Variants in KNTC1 observed in about 807,000 individuals in gnomAD.
The protein encoded by KNTC1 is kinetochore-associated protein 1.
Under a neutral mutation model 314.4 loss-of-function variants are expected in KNTC1, and 253 were observed. That is an observed-to-expected ratio of 0.80 (90% CI 0.73 to 0.89). The LOEUF (loss-of-function observed/expected upper bound fraction) is 0.89. KNTC1 is among the 40% of genes least tolerant of loss of function. The probability of loss-of-function intolerance (pLI) is 0.00; values close to 1 mark genes in which losing one functional copy is unlikely to be tolerated. For synonymous variants in KNTC1, 901 were observed against 901.4 expected (o/e 1.00, Z 0.01); for missense variants, 2,475 against 2,572.9 (o/e 0.96, Z 0.82).
At chr12:122,600,809 G>T (rs145700454) in intron 44 of KNTC1, among the ~76,000 whole-genome samples, 253 of 152,092 alleles carry the variant, frequency 1.7e-3, no homozygotes, top group African/African-American at 5.8e-3. Flanking sequence ...GGGACTACAG[G>T]TGAATGCCAC....
chr12:122,568,229 AACTG>A (rs1242255997), intron 20 of KNTC1, 28 bp from the exon 21 acceptor site: 2 of 1,065,092 alleles, frequency 1.9e-6, no homozygotes, highest in African/African-American at 3.2e-5. Flanking sequence ...TTTTTTTTAA[AACTG>A]ACTTTTTTCC....
chr12:122,540,268 G>A (rs1228294302), intron 5 of KNTC1, among the ~76,000 whole-genome samples: 1 of 149,194 alleles, frequency 6.7e-6, no homozygotes, highest in Non-Finnish European at 1.5e-5. Context: ...TGCCTCCTGA[G>A]TTCAAACGAT....
Position 122,613,186 on chromosome 12 carries a change from G to A in KNTC1, c.5697G>A (p.Lys1899=). ...AGTGTCTCTTCTATTTGGCTGACAA[G>A]GAAACTATAGAATCTCTCTTTAAAA... ...ALQCLFYLAD[K]ETIESLFKKP... Residue 1899 remains lysine (K), a synonymous_variant, in exon 54 of 64, where the codon AAG becomes AAA. Transcript: ENST00000333479. 3.1e-6 allele frequency: 5 copies of A among 1,612,598 alleles called. No individual in the cohort carries two copies. The highest frequency in any genetic ancestry group is 4.2e-6 in the Non-Finnish European group (5 of 1,178,790).
intron 9 of KNTC1, 70 bp downstream of exon 9, chr12:122,546,339 G>T: frequency 1.1e-6 from 1 of 925,260 alleles, no homozygotes; most frequent in South Asian, 1.5e-5. Context: ...AGTGTACTTA[G>T]ACTGACATAT....
intron 27 of KNTC1, among the ~76,000 whole-genome samples, chr12:122,575,193 G>A (rs938472792): frequency 6.6e-6 from 1 of 152,098 alleles, no homozygotes; most frequent in Non-Finnish European, 1.5e-5. Flanking sequence ...CCCAGGAGGT[G>A]GAGGTTGCAG....
intron 3 of KNTC1, among the ~76,000 whole-genome samples, chr12:122,537,480 G>T (rs552321207): frequency 6.6e-6 from 1 of 150,936 alleles, no homozygotes; most frequent in East Asian, 2.0e-4. Flanking sequence ...GTGCAGTGGC[G>T]TGATTTCAGC....
Position 122,547,395 on chromosome 12 carries a change from A to G in KNTC1, c.817-20A>G, listed in dbSNP as rs752063372. ...TGTCTCAAAAAAAAAGGACATGTAA[A>G]TGAAATGTCTCTATTGCAGAACGTG... On this transcript the variant is annotated intron_variant, in intron 10 of 63. Transcript: ENST00000333479. The G allele has an allele frequency of 2.0e-6, 3 of 1,486,442 alleles. No homozygotes were observed. Among genetic ancestry groups the G allele is most frequent in the East Asian group, 4.5e-5 (2 of 44,138 alleles). 92.1% of individuals were successfully genotyped at this position (1,486,442 alleles called of 1,614,324 possible).
Position 122,584,973 on chromosome 12 carries a change from T to C in KNTC1, c.3517T>C (p.Cys1173Arg), listed in dbSNP as rs746410866. ...TTCCAGACAATGCCAAATGGATGAC[T>C]GTGGAATCCTCATGAAAGTAAGTTA... ...ELSRQCQMDD[C>R]GILMKASFGT... The change falls in exon 36 of 64, where the codon TGT (cysteine) becomes CGT (arginine). Residue 1173 changes from cysteine (C) to arginine (R), a missense_variant. Physicochemically the swap from Cys to Arg is radical, Grantham distance 180 (BLOSUM62 -3). Transcript: ENST00000333479. 49 of 1,590,676 alleles carry C rather than the reference T, an allele frequency of 3.1e-5. No homozygotes were observed. In the Middle Eastern group the frequency reaches 6.6e-4, roughly 22 times the overall value.
At chr12:122,548,104 CT>C in intron 12 of KNTC1, 135 bp downstream of exon 12, 1 of 533,826 alleles carries the variant, frequency 1.9e-6, no homozygotes, top group Non-Finnish European at 3.2e-6. Context: ...AGAAATAAAC[CT>C]GCAGAACTCT....
Position 122,557,433 on chromosome 12 carries a change from G to T in KNTC1, c.1322G>T (p.Ser441Ile). The T allele has an allele frequency of 1.2e-6, 2 of 1,613,320 alleles. No homozygotes were observed. The highest frequency in any genetic ancestry group is 1.7e-6 in the Non-Finnish European group (2 of 1,179,320). Reference sequence around the variant, plus strand: ...CATATATTGGAGAAACTGGCATTGAGTTCTGTGGATGCCAGTGAACAGACC... The same window carrying T: ...CATATATTGGAGAAACTGGCATTGATTTCTGTGGATGCCAGTGAACAGACC... ...SNHILEKLAL[S>I]SVDASEQTEW... The change falls in exon 17 of 64, where the codon AGT (serine) becomes ATT (isoleucine). Residue 441 changes from serine to isoleucine, a missense_variant. By Grantham distance (142) the Ser-to-Ile change is moderately radical. Coordinates refer to ENST00000333479, the MANE Select transcript of KNTC1 (RefSeq NM_014708.6).
intron 37 of KNTC1, 57 bp downstream of exon 37, chr12:122,585,831 C>T (rs1422310179): frequency 1.3e-6 from 2 of 1,557,210 alleles, no homozygotes; most frequent in Non-Finnish European, 1.8e-6. Context: ...TAAATTTAAA[C>T]TGTAGAGGTT....
At chr12:122,616,258 G>A (rs927067816) in intron 57 of KNTC1, among the ~76,000 whole-genome samples, 1 of 151,546 alleles carries the variant, frequency 6.6e-6, no homozygotes, top group African/African-American at 2.4e-5. Flanking sequence ...ATGTATTCTA[G>A]AGATTTCCTT....
At chr12:122,620,952 T>C (rs1566023529) in intron 60 of KNTC1, among the ~76,000 whole-genome samples, 2 of 152,162 alleles carry the variant, frequency 1.3e-5, no homozygotes, top group Admixed American at 1.3e-4. Context: ...AGTGAAACAG[T>C]TGGGAAGATG....
intron 62 of KNTC1, among the ~76,000 whole-genome samples, chr12:122,623,762 C>A (rs1874692139): frequency 6.6e-6 from 1 of 152,088 alleles, no homozygotes; most frequent in Admixed American, 6.6e-5. Flanking sequence ...GAGTACAAAA[C>A]ATTGCTCCAA....
At position 122,622,416 on chromosome 12, in the gene KNTC1, C is replaced by T. The variant is rs1301095404; in HGVS notation, c.6370-46C>T. The T allele has an allele frequency of 2.1e-6, 3 of 1,418,346 alleles. No individual in the cohort carries two copies. In the African/African-American group the frequency reaches 4.3e-5, roughly 20 times the overall value. The allele number at this position is 1,418,346 out of a possible 1,614,324, so 87.9% of individuals were successfully genotyped here. A position where few individuals can be genotyped will look rare whatever the true frequency, so the allele number is the denominator to read the frequency against. On this transcript the variant is annotated intron_variant, in intron 61 of 63. Coordinates refer to ENST00000333479, the MANE Select transcript of KNTC1 (RefSeq NM_014708.6). ...CATTCTATAGATTAGAAGTCTGATT[C>T]TAATAGATTAGAAGTCTGATCTTAA...
At chr12:122,625,015 C>A (rs1324954999) in intron 63 of KNTC1, among the ~76,000 whole-genome samples, 1 of 152,164 alleles carries the variant, frequency 6.6e-6, no homozygotes, top group African/African-American at 2.4e-5. Context: ...AAACTGAATT[C>A]TAAAAGGTGT....
Position 122,584,927 on chromosome 12 carries a change from T to A in KNTC1, c.3471T>A (p.His1157Gln). The A allele has an allele frequency of 6.3e-7, 1 of 1,596,902 alleles. No homozygotes were observed. Among genetic ancestry groups the A allele is most frequent in the Non-Finnish European group, 8.6e-7 (1 of 1,164,536 alleles). The change falls in exon 36 of 64, where the codon CAT (histidine) becomes CAA (glutamine). Residue 1157 changes from histidine to glutamine, a missense_variant. His to Gln is a conservative substitution (Grantham distance 24, BLOSUM62 0). Coordinates refer to ENST00000333479, the MANE Select transcript of KNTC1 (RefSeq NM_014708.6). ...FLLDALELCK[H>Q]TLMAVELSRQ... ...TAGATGCTTTAGAACTATGTAAACA[T>A]ACTTTAATGGCTGTAGAGCTTTCCA...
At position 122,546,183 on chromosome 12, in the gene KNTC1, G is replaced by T; in HGVS notation, c.677G>T (p.Gly226Val). 6.2e-7 allele frequency: 1 copy of T among 1,604,120 alleles called. No homozygotes were observed. The highest frequency in any genetic ancestry group is 8.5e-7 in the Non-Finnish European group (1 of 1,171,214). Reference protein sequence around the residue: ...SEVPVIIGGTGNCAFSKWEPD... With the variant: ...SEVPVIIGGTVNCAFSKWEPD... ...CTGTGTTCATTTTTCCAGGGAACCG[G>T]TAATTGTGCATTCTCAAAATGGGAA... The change falls in exon 9 of 64, where the codon GGT becomes GTT. Residue 226 changes from glycine to valine, a missense_variant. By Grantham distance (109) the Gly-to-Val change is moderately radical. Coordinates refer to ENST00000333479, the MANE Select transcript of KNTC1 (RefSeq NM_014708.6).
intron 42 of KNTC1, chr12:122,594,047 T>C: frequency 4.2e-6 from 2 of 479,676 alleles, no homozygotes; most frequent in Non-Finnish European, 7.4e-6. Flanking sequence ...CAATCAAACT[T>C]TTCAGATGAA....
Sources: allele counts gnomAD v4.1 joint callset (sites outside exome capture counted in the v4.1 genomes callset), GRCh38; gene constraint gnomAD v4.1.1; transcripts MANE v1.5; gene names NCBI Gene and HGNC (gene_info 2026-07-23, HGNC 2026-07-21).